Variants in RALYL observed in about 807,000 individuals in gnomAD.
RALYL encodes the protein RNA-binding Raly-like protein.
RALYL carries 29 observed loss-of-function variants against 35.1 expected under a neutral mutation model. The ratio of observed to expected loss-of-function variants is 0.83; its 90% confidence interval spans 0.61 to 1.13. The LOEUF is 1.13. RALYL is among the 50% of genes most tolerant of loss of function. The probability of loss-of-function intolerance (pLI) is 0.00; values close to 1 mark genes in which losing one functional copy is unlikely to be tolerated. For synonymous variants in RALYL, 120 were observed against 127.6 expected (o/e 0.94, Z 0.40); for missense variants, 359 against 360.4 (o/e 1.00, Z 0.03).
intron 1 of RALYL, among the ~76,000 whole-genome samples, chr8:84,386,973 TTTAGCCG>T (rs1189168218): frequency 6.6e-6 from 1 of 151,850 alleles, no homozygotes; most frequent in Non-Finnish European, 1.5e-5. Flanking sequence ...TGAAATCTCT[TTTAGCCG>T]TTAGTGCTGT....
At chr8:84,319,182 C>A (rs1395808808) in intron 1 of RALYL, among the ~76,000 whole-genome samples, 1 of 152,140 alleles carries the variant, frequency 6.6e-6, no homozygotes, top group Non-Finnish European at 1.5e-5. Flanking sequence ...AGGTTCATCT[C>A]CCTTCAATAG....
chr8:84,839,159 G>A (rs1159256668), intron 4 of RALYL, among the ~76,000 whole-genome samples: 1 of 152,208 alleles, frequency 6.6e-6, no homozygotes, highest in East Asian at 1.9e-4. Flanking sequence ...GTGAGCCAAA[G>A]CAGGGCGAGG....
intron 1 of RALYL, among the ~76,000 whole-genome samples, chr8:84,233,592 C>A (rs1424076251): frequency 6.6e-6 from 1 of 152,146 alleles, no homozygotes; most frequent in African/African-American, 2.4e-5. Context: ...ACTCTGCCAC[C>A]TCCATTCTTC....
chr8:84,844,647 C>T (rs1334457782), intron 4 of RALYL, among the ~76,000 whole-genome samples: 1 of 152,160 alleles, frequency 6.6e-6, no homozygotes, highest in Non-Finnish European at 1.5e-5. Flanking sequence ...ATAAATCATG[C>T]TGCTATAAAG....
chr8:84,187,634 T>A (rs1489005841), intron 1 of RALYL, among the ~76,000 whole-genome samples: 1 of 152,122 alleles, frequency 6.6e-6, no homozygotes, highest in Non-Finnish European at 1.5e-5. Context: ...TTAAAAGAGC[T>A]ACTATAATAA....
chr8:84,430,753 T>C (rs1207668905), intron 1 of RALYL, among the ~76,000 whole-genome samples: 2 of 152,128 alleles, frequency 1.3e-5, no homozygotes, highest in Non-Finnish European at 2.9e-5. Context: ...TCAGAATATA[T>C]GAATAAAAAT....
chr8:84,680,105 G>GT (rs1439588003), intron 2 of RALYL, among the ~76,000 whole-genome samples: 4 of 151,868 alleles, frequency 2.6e-5, no homozygotes, highest in African/African-American at 4.8e-5. Flanking sequence ...GCGGTGTTTG[G>GT]TTTTTTGTCC....
At chr8:84,275,431 T>C (rs969280053) in intron 1 of RALYL, among the ~76,000 whole-genome samples, 3 of 151,832 alleles carry the variant, frequency 2.0e-5, no homozygotes, top group South Asian at 4.1e-4. Flanking sequence ...CATTTTTAAA[T>C]TGACAGATAA....
chr8:84,685,426 C>T (rs1426272663), intron 2 of RALYL, among the ~76,000 whole-genome samples: 2 of 152,094 alleles, frequency 1.3e-5, no homozygotes, highest in African/African-American at 4.8e-5. Flanking sequence ...TCTCCACTAC[C>T]AGCCCTCATT....
chr8:84,514,090 T>TAAAAAAAAAAA (rs57881021), intron 1 of RALYL, among the ~76,000 whole-genome samples: 8 of 41,140 alleles, frequency 1.9e-4, no homozygotes, highest in East Asian at 8.9e-4. Flanking sequence ...AGATTTCATC[T>TAAAAAAAAAAA]AAAAAAAAAA....
intron 2 of RALYL, among the ~76,000 whole-genome samples, chr8:84,682,051 G>T (rs1234070644): frequency 6.6e-6 from 1 of 152,114 alleles, no homozygotes; most frequent in Non-Finnish European, 1.5e-5. Context: ...TAGCATGAAG[G>T]GCTGTTGGAT....
rs111703714 is a variant in RALYL, at chr8:84,918,411, C to T, written c.859-2483C>T. The stretch of plus-strand genomic sequence containing the variant: ...TTGCTTGGTTCAATACAATCCAGTC[C>T]CATCCGAGTAGATCTCTTTGTTCTT... On this transcript the variant is annotated intron_variant, in intron 8 of 8. Transcript: ENST00000521268. Among the ~76,000 whole-genome samples, 118 of 152,014 alleles carry T rather than the reference C, an allele frequency of 7.8e-4. 1 individual carries two copies. Among genetic ancestry groups the T allele is most frequent in the African/African-American group, 2.8e-3 (115 of 41,510 alleles).
At chr8:84,315,685 A>G (rs1019532362) in intron 1 of RALYL, among the ~76,000 whole-genome samples, 1 of 152,136 alleles carries the variant, frequency 6.6e-6, no homozygotes, top group Non-Finnish European at 1.5e-5. Context: ...ATATTGAAGT[A>G]CAATGAGAAT....
At chr8:84,660,391 T>C (rs964312552) in intron 2 of RALYL, among the ~76,000 whole-genome samples, 5 of 152,080 alleles carry the variant, frequency 3.3e-5, no homozygotes, top group African/African-American at 1.2e-4. Flanking sequence ...TAAATGTTGT[T>C]AATTTCTGCT....
At chr8:84,329,266 CTGT>C (rs1563742284) in intron 1 of RALYL, among the ~76,000 whole-genome samples, 2 of 152,100 alleles carry the variant, frequency 1.3e-5, no homozygotes, top group African/African-American at 4.8e-5. Context: ...TCGCCAGCAT[CTGT>C]TGTTTTTAAC....
chr8:84,474,846 A>G lies in RALYL; in HGVS notation c.-23-54453A>G, dbSNP rs569915058. Among the ~76,000 whole-genome samples, 30 of 152,242 alleles carry G rather than the reference A, an allele frequency of 2.0e-4. No homozygotes were observed. The South Asian group carries it at 5.8e-3, about 29-fold the overall frequency. On this transcript the variant is annotated intron_variant, in intron 1 of 8. Coordinates refer to ENST00000521268, the MANE Select transcript of RALYL (RefSeq NM_173848.7). ...TTCGAAAAAAGGAAATAGAAAAATC[A>G]CAAGTGTAACTGCAATTCCCCACCC...
intron 2 of RALYL, among the ~76,000 whole-genome samples, chr8:84,554,557 A>G (rs1030239351): frequency 2.0e-5 from 3 of 152,192 alleles, no homozygotes; most frequent in African/African-American, 7.2e-5. Context: ...TGTCAAAGAG[A>G]TGGAGACACA....
chr8:84,607,931 T>A (rs1045716909), intron 2 of RALYL, among the ~76,000 whole-genome samples: 6 of 151,986 alleles, frequency 3.9e-5, no homozygotes, highest in South Asian at 2.1e-4. Flanking sequence ...TTTTTTTTTT[T>A]TTATTAGCTT....
intron 1 of RALYL, among the ~76,000 whole-genome samples, chr8:84,333,693 T>C (rs1847245756): frequency 6.6e-6 from 1 of 152,186 alleles, no homozygotes. Context: ...AGCTTGGCTT[T>C]CTATAATTGA....
Sources: allele counts gnomAD v4.1 joint callset (sites outside exome capture counted in the v4.1 genomes callset), GRCh38; gene constraint gnomAD v4.1.1; transcripts MANE v1.5; gene names NCBI Gene and HGNC (gene_info 2026-07-23, HGNC 2026-07-21).